GRAMD2A: variants seen among roughly 807,000 people sequenced by gnomAD.
GRAMD2A encodes GRAM domain containing 2A, also known as GRAM domain-containing protein 2A.
GRAMD2A carries 37 observed loss-of-function variants against 51.1 expected under a neutral mutation model. The ratio of observed to expected loss-of-function variants is 0.72; its 90% confidence interval spans 0.56 to 0.95. GRAMD2A has a LOEUF of 0.95. Among genes scored for constraint, GRAMD2A ranks in the 40% least tolerant of loss-of-function variants. The pLI is 0.00. For missense variants in GRAMD2A, 414 were observed against 426.9 expected (o/e 0.97, Z 0.27); for synonymous variants, 136 against 157.1 (o/e 0.87, Z 1.01).
chr15:72,194,380 A>G (rs2140563022), intron 1 of GRAMD2A, among the ~76,000 whole-genome samples: 1 of 152,236 alleles, frequency 6.6e-6, no homozygotes, highest in Admixed American at 6.5e-5. Flanking sequence ...AATTGGAGGG[A>G]TTTTGGGGGG....
intron 5 of GRAMD2A, 87 bp downstream of exon 5, chr15:72,167,649 A>G (rs1596680850): frequency 9.9e-7 from 1 of 1,008,744 alleles, no homozygotes; most frequent in Non-Finnish European, 1.6e-6. Flanking sequence ...GCACGCAGAG[A>G]GATAGGCATG....
chr15:72,195,173 TGAAGCTGCTA>T (rs200335277), intron 1 of GRAMD2A, among the ~76,000 whole-genome samples: 1 of 152,342 alleles, frequency 6.6e-6, no homozygotes, highest in East Asian at 1.9e-4. Context: ...AAACTTCCCC[TGAAGCTGCTA>T]GAAGTGTCTA....
intron 1 of GRAMD2A, among the ~76,000 whole-genome samples, chr15:72,178,267 C>T (rs2081669632): frequency 6.6e-6 from 1 of 152,204 alleles, no homozygotes; most frequent in African/African-American, 2.4e-5. Flanking sequence ...TTTCCTTCAT[C>T]TGTTTAAGGC....
chr15:72,196,189 T>C (rs1287178747), intron 1 of GRAMD2A, among the ~76,000 whole-genome samples: 1 of 152,084 alleles, frequency 6.6e-6, no homozygotes, highest in Non-Finnish European at 1.5e-5. Context: ...GTCTGCAGCA[T>C]GGTCTCCAGC....
At chr15:72,184,103 G>C (rs2081717940) in intron 1 of GRAMD2A, among the ~76,000 whole-genome samples, 1 of 152,228 alleles carries the variant, frequency 6.6e-6, no homozygotes, top group African/African-American at 2.4e-5. Context: ...TTCTCTCCTG[G>C]TTCCCCGAGG....
At chr15:72,184,339 C>T (rs923192444) in intron 1 of GRAMD2A, among the ~76,000 whole-genome samples, 1 of 152,276 alleles carries the variant, frequency 6.6e-6, no homozygotes, top group African/African-American at 2.4e-5. Context: ...TCCAAAGCGG[C>T]GCCCGCGGCG....
rs116890791 is a variant in GRAMD2A, at chr15:72,166,612, C to T, written c.543+20G>A. The T allele has an allele frequency of 4.6e-3, 7,418 of 1,604,710 alleles. 33 individuals are homozygous for T. The highest frequency in any genetic ancestry group is 8.0e-3 in the Middle Eastern group (48 of 5,970). ...AGGCCTGAGCGACTTCCCTGGCCTT[C>T]CTGCTCCCAAGCTCCATACCTGTAG... On this transcript the variant is annotated intron_variant, in intron 7 of 11. Coordinates refer to ENST00000309731, the MANE Select transcript of GRAMD2A (RefSeq NM_001012642.3). The surrounding 1 kb of genome is among the most constrained non-coding windows in gnomAD (Gnocchi z 4.1).
intron 8 of GRAMD2A, among the ~76,000 whole-genome samples, chr15:72,164,860 T>C (rs1445731451): frequency 6.6e-6 from 1 of 151,998 alleles, no homozygotes; most frequent in African/African-American, 2.4e-5. Flanking sequence ...GCCTATCGGC[T>C]GGGCACGGTG....
At chr15:72,168,832 G>C in intron 3 of GRAMD2A, 107 bp downstream of exon 3, 2 of 1,028,352 alleles carry the variant, frequency 1.9e-6, no homozygotes, top group African/African-American at 3.1e-5. Flanking sequence ...CAGGTCTCCT[G>C]ATTTCCTGAT....
Position 72,197,782 on chromosome 15 carries a change from G to C in GRAMD2A, c.-11C>G. 7.8e-7 allele frequency: 1 copy of C among 1,275,142 alleles called. No individual in the cohort carries two copies. Among genetic ancestry groups the C allele is most frequent in the Admixed American group, 3.3e-5 (1 of 30,050 alleles). The allele number at this position is 1,275,142 out of a possible 1,614,324, so 79.0% of individuals were successfully genotyped here. On this transcript the variant is annotated 5_prime_UTR_variant, in exon 1 of 12. Transcript: ENST00000309731. ...GCTTAAAGCGGTCATCCCGGCGCCT[G>C]CACCCAGCGCCCCGACCGCGCGCCG...
rs1330740455 is a variant in GRAMD2A, at chr15:72,161,151, T to C, written c.*858A>G. The C allele has an allele frequency of 1.3e-5, 2 of 152,316 alleles. No homozygotes were observed. The highest frequency in any genetic ancestry group is 3.8e-4 in the East Asian group (2 of 5,206). The allele number at this position is 152,316 out of a possible 1,614,324, so 9.4% of individuals were successfully genotyped here. On this transcript the variant is annotated 3_prime_UTR_variant, in exon 12 of 12. Transcript: ENST00000309731. ...CAAGCCTCCACCCTTCCCTTCCCTA[T>C]TTCCAGGGCTTGGGACACCTTAGAA...
intron 1 of GRAMD2A, among the ~76,000 whole-genome samples, chr15:72,177,130 C>G (rs766158595): frequency 4.7e-5 from 7 of 150,240 alleles, no homozygotes; most frequent in Non-Finnish European, 1.0e-4. Context: ...CTAAAGTGCT[C>G]GGATTACAGG....
At chr15:72,193,299 C>T (rs2081781451) in intron 1 of GRAMD2A, among the ~76,000 whole-genome samples, 1 of 150,500 alleles carries the variant, frequency 6.6e-6, no homozygotes, top group Admixed American at 6.6e-5. Context: ...TCACTGCAAC[C>T]TCTGCCTCCC....
At chr15:72,167,884 C>CAA (rs2140546663) in intron 4 of GRAMD2A, 45 bp from the exon 5 acceptor site, 1 of 1,372,152 alleles carries the variant, frequency 7.3e-7, no homozygotes, top group East Asian at 2.3e-5. Flanking sequence ...AAGGTCAGCC[C>CAA]AGGAAGCCCC....
At position 72,170,427 on chromosome 15, in the gene GRAMD2A, G is replaced by A. The variant is rs2081599038; in HGVS notation, c.42-488C>T. The stretch of plus-strand genomic sequence containing the variant: ...AAAGCTCAGGAGCTGATGCGCTGAA[G>A]GTGTGGGAGGTGGACGCCCATCAGC... On this transcript the variant is annotated intron_variant, in intron 1 of 11. Coordinates refer to ENST00000309731, the MANE Select transcript of GRAMD2A (RefSeq NM_001012642.3). This position sits in a 1 kb window ranked among gnomAD's most constrained non-coding sequence, Gnocchi z 4.5. 2.2e-6 allele frequency: 1 copy of A among 456,080 alleles called. No homozygotes were observed. The highest frequency in any genetic ancestry group is 1.5e-5 in the South Asian group (1 of 64,552). The allele number at this position is 456,080 out of a possible 1,614,324, so 28.3% of individuals were successfully genotyped here.
intron 3 of GRAMD2A, 111 bp downstream of exon 3, chr15:72,168,828 T>A (rs1268431746): frequency 1.1e-5 from 11 of 972,864 alleles, no homozygotes; most frequent in Middle Eastern, 4.3e-4. Flanking sequence ...CACTCAGGTC[T>A]CCTGATTTCC....
chr15:72,162,100 C>T, intron 11 of GRAMD2A, 88 bp from the exon 12 acceptor site: 1 of 1,542,364 alleles, frequency 6.5e-7, no homozygotes, highest in Non-Finnish European at 9.0e-7. Flanking sequence ...CTTTACTTCC[C>T]CCAAGAGTGG....
chr15:72,179,602 C>A (rs1347555527), intron 1 of GRAMD2A, among the ~76,000 whole-genome samples: 1 of 152,156 alleles, frequency 6.6e-6, no homozygotes, highest in Non-Finnish European at 1.5e-5. Context: ...ATTTGTGTCT[C>A]CACAAAATGG....
intron 1 of GRAMD2A, among the ~76,000 whole-genome samples, chr15:72,173,240 T>G (rs554710892): frequency 2.6e-5 from 4 of 152,316 alleles, no homozygotes; most frequent in Admixed American, 6.5e-5. Flanking sequence ...CTGGGTATAA[T>G]TATAATCTTG....
Sources: allele counts gnomAD v4.1 joint callset (sites outside exome capture counted in the v4.1 genomes callset), GRCh38; gene constraint gnomAD v4.1.1; non-coding constraint Gnocchi (gnomAD v3.1); transcripts MANE v1.5; gene names NCBI Gene and HGNC (gene_info 2026-07-23, HGNC 2026-07-21).